Variants in PRPF8 observed in about 807,000 individuals in gnomAD.
The protein encoded by PRPF8 is pre-mRNA processing factor 8, also known as pre-mRNA-processing-splicing factor 8.
PRPF8 carries 64 observed loss-of-function variants against 285.9 expected under a neutral mutation model. The ratio of observed to expected loss-of-function variants is 0.22; its 90% confidence interval spans 0.18 to 0.28. PRPF8 has a LOEUF of 0.28. PRPF8 is among the 10% of genes least tolerant of loss of function. The probability of loss-of-function intolerance (pLI) is 1.00; values close to 1 mark genes in which losing one functional copy is unlikely to be tolerated. For missense variants in PRPF8, 1,426 were observed against 3,026.7 expected (o/e 0.47, Z 12.41); for synonymous variants, 1,325 against 1,118.2 (o/e 1.18, Z -3.69).
chr17:1,662,940 AT>A (rs1440445203), intron 24 of PRPF8, among the ~76,000 whole-genome samples: 3 of 152,196 alleles, frequency 2.0e-5, no homozygotes, highest in East Asian at 1.9e-4. Flanking sequence ...ATGCAAAAAA[AT>A]ATTTTTTCTC....
At chr17:1,678,034 G>A (rs891064446) in intron 13 of PRPF8, among the ~76,000 whole-genome samples, 1 of 152,138 alleles carries the variant, frequency 6.6e-6, no homozygotes, top group Non-Finnish European at 1.5e-5. Context: ...GTCCAGTGAG[G>A]CTGGGCACGG....
At chr17:1,652,231 C>A (rs1416928853) in intron 39 of PRPF8, 1 of 307,760 alleles carries the variant, frequency 3.2e-6, no homozygotes, top group African/African-American at 2.2e-5. Flanking sequence ...AATTTGCCAA[C>A]CTGACAGCCA....
Position 1,655,574 on chromosome 17 carries a change from T to C in PRPF8, c.5794-31A>G, listed in dbSNP as rs1423089111. 6 of 1,566,772 alleles carry C rather than the reference T, an allele frequency of 3.8e-6. No homozygotes were observed. The East Asian group carries it at 9.0e-5, about 23-fold the overall frequency. On this transcript the variant is annotated intron_variant, in intron 36 of 42. Transcript: ENST00000304992. ...AAAAGATTTGGAAGAGTGGGGTAGG[T>C]CAGCTGCTTGAGGCTCTCCCACTTT...
rs1912740669 is a variant in PRPF8 at position 1,678,619 on chromosome 17, C to T, written c.1753G>A (p.Val585Ile). 6.2e-7 allele frequency: 1 copy of T among 1,614,146 alleles called. No homozygotes were observed. Among genetic ancestry groups the T allele is most frequent in the Non-Finnish European group, 8.5e-7 (1 of 1,180,060 alleles). ...ADGLQYIFAH[V>I]GQLTGMYRYK... ...CGATACATGCCCGTCAACTGCCCAA[C>T]ATGGGCAAATATATACTGCAATCCA... Residue 585 changes from valine (V) to isoleucine (I), a missense_variant, in exon 13 of 43, where the codon GTT (valine) becomes ATT (isoleucine). Transcript: ENST00000304992.
At chr17:1,683,109 C>T in intron 3 of PRPF8, 5 of 281,382 alleles carry the variant, frequency 1.8e-5, no homozygotes, top group South Asian at 1.7e-4. Context: ...CATTCTCCTG[C>T]CTCAGCCTCC....
In PRPF8 at chr17:1,655,286, T is replaced by C. The variant is rs527455299; in HGVS notation, c.5987+64A>G. The C allele has an allele frequency of 8.8e-6, 14 of 1,589,262 alleles. No individual in the cohort carries two copies. In the South Asian group the frequency reaches 8.9e-5, roughly 10 times the overall value. On this transcript the variant is annotated intron_variant, in intron 37 of 42. Transcript: ENST00000304992. ...TTGAGAAACTTCTAAGCCTAAGTGC[T>C]TCCAAAAAACCCCAGAAAACCGTAT... is the stretch of plus-strand genomic sequence containing the variant.
chr17:1,676,830 G>T lies in PRPF8; in HGVS notation c.2182-119C>A. 4.1e-6 allele frequency: 6 copies of T among 1,465,588 alleles called. No homozygotes were observed. Among genetic ancestry groups the T allele is most frequent in the Non-Finnish European group, 4.7e-6 (5 of 1,055,932 alleles). 90.8% of individuals were successfully genotyped at this position (1,465,588 alleles called of 1,614,324 possible). ...GCTTGAGCTCAGGAGCTTGAGGCCA[G>T]CCTAAGCAACATGGTGCTTCTTTTC... On this transcript the variant is annotated intron_variant, in intron 15 of 42. Coordinates refer to ENST00000304992, the MANE Select transcript of PRPF8 (RefSeq NM_006445.4). The surrounding 1 kb of genome is among the most constrained non-coding windows in gnomAD (Gnocchi z 6.3).
rs1354831012 is a variant in PRPF8 at position 1,679,020 on chromosome 17, G to A, written c.1596C>T (p.Thr532=). The A allele has an allele frequency of 3.7e-6, 6 of 1,613,966 alleles. No homozygotes were observed. In the African/African-American group the frequency reaches 6.7e-5, roughly 18 times the overall value. The change falls in exon 11 of 43, where the codon ACC becomes ACT. Residue 532 remains threonine, a synonymous_variant. Transcript: ENST00000304992. The surrounding 1 kb of genome is among the most constrained non-coding windows in gnomAD (Gnocchi z 4.7). ...FNLKPVKTLT[T]KERKKSRFGN... The stretch of plus-strand genomic sequence containing the variant: ...CCCTAGGGTCCAATGCAGGCACCTT[G>A]GTGGTGAGCGTTTTCACAGGCTTGA...
Position 1,676,488 on chromosome 17 carries a change from A to C in PRPF8, c.2388+17T>G, listed in dbSNP as rs748394484. ...CTCCCCCACCACTCACACCCAGCCC[A>C]GCCTACTCTGCCCAACCTTCAGGTA... On this transcript the variant is annotated intron_variant, in intron 16 of 42. Transcript: ENST00000304992. The surrounding 1 kb of genome is among the most constrained non-coding windows in gnomAD (Gnocchi z 6.3). 5.5e-5 allele frequency: 88 copies of C among 1,613,948 alleles called. No homozygotes were observed. Among genetic ancestry groups the C allele is most frequent in the Non-Finnish European group, 2.0e-5 (24 of 1,180,006 alleles).
chr17:1,654,043 C>T, intron 37 of PRPF8, 27 bp from the exon 38 acceptor site: 1 of 1,614,058 alleles, frequency 6.2e-7, no homozygotes, highest in East Asian at 2.2e-5. Context: ...GGTTATATTA[C>T]AAGGATCCCT....
At chr17:1,680,610 G>T in intron 8 of PRPF8, 116 bp downstream of exon 8, 1 of 933,078 alleles carries the variant, frequency 1.1e-6, no homozygotes, top group Non-Finnish European at 1.7e-6. Context: ...AGCTCAAGGG[G>T]AACACTTAGC....
At chr17:1,667,962 G>A (rs949269731) in intron 24 of PRPF8, among the ~76,000 whole-genome samples, 1 of 152,200 alleles carries the variant, frequency 6.6e-6, no homozygotes, top group African/African-American at 2.4e-5. Context: ...GCAGGCATAA[G>A]CCACCATGCC....
Position 1,679,932 on chromosome 17 carries a change from C to T in PRPF8, c.1099-133G>A. 9.4e-7 allele frequency: 1 copy of T among 1,063,688 alleles called. No individual in the cohort carries two copies. The highest frequency in any genetic ancestry group is 2.4e-5 in the East Asian group (1 of 41,676). The allele number at this position is 1,063,688 out of a possible 1,614,324, so 65.9% of individuals were successfully genotyped here. Reference sequence around the variant, plus strand: ...ACTGGGCTGTCTGACAAAAGCAGCCCTGAAGTGCCAGCACAAAGGAAACCA... The same window carrying T: ...ACTGGGCTGTCTGACAAAAGCAGCCTTGAAGTGCCAGCACAAAGGAAACCA... On this transcript the variant is annotated intron_variant, in intron 8 of 42. Transcript: ENST00000304992. The surrounding 1 kb of genome is among the most constrained non-coding windows in gnomAD (Gnocchi z 4.7).
rs1249814469 is a variant in PRPF8 at position 1,653,701 on chromosome 17, G to A, written c.6228-18C>T. The A allele has an allele frequency of 6.2e-7, 1 of 1,614,184 alleles. No homozygotes were observed. The highest frequency in any genetic ancestry group is 2.2e-5 in the East Asian group (1 of 44,880). Reference sequence around the variant, plus strand: ...AGATGGCCCTAAAAACAGGCAGGGAGTGTCAGCATCGCTCAGCCCAGCACC... The same window carrying A: ...AGATGGCCCTAAAAACAGGCAGGGAATGTCAGCATCGCTCAGCCCAGCACC... On this transcript the variant is annotated intron_variant, in intron 38 of 42. Coordinates refer to ENST00000304992, the MANE Select transcript of PRPF8 (RefSeq NM_006445.4). This position sits in a 1 kb window ranked among gnomAD's most constrained non-coding sequence, Gnocchi z 4.9.
intron 21 of PRPF8, among the ~76,000 whole-genome samples, 197 bp from the exon 22 acceptor site, chr17:1,674,089 C>CT (rs1912479620): frequency 6.6e-6 from 1 of 151,974 alleles, no homozygotes; most frequent in Admixed American, 6.6e-5. Flanking sequence ...GCGGCGCAAT[C>CT]CCGGCTCACT....
In PRPF8 at chr17:1,682,114, T is replaced by G; in HGVS notation, c.434+15A>C. ...CCACCACCACCACCACCCACCATAT[T>G]TCAGCCTTTCTCACCCCCACTGGGA... On this transcript the variant is annotated intron_variant, in intron 4 of 42. Coordinates refer to ENST00000304992, the MANE Select transcript of PRPF8 (RefSeq NM_006445.4). The G allele has an allele frequency of 6.2e-7, 1 of 1,613,852 alleles. No individual in the cohort carries two copies. The highest frequency in any genetic ancestry group is 8.5e-7 in the Non-Finnish European group (1 of 1,179,936).
Position 1,681,497 on chromosome 17 carries a change from C to G in PRPF8, c.847G>C (p.Val283Leu). 6.2e-7 allele frequency: 1 copy of G among 1,601,850 alleles called. No homozygotes were observed. Reference sequence around the variant, plus strand: ...ACTCACTGTAGGTTGATGTCTCGAACAAGAGGTTCAAATTTGGGGCCTCCA... The same window carrying G: ...ACTCACTGTAGGTTGATGTCTCGAAGAAGAGGTTCAAATTTGGGGCCTCCA... ...IPGGPKFEPL[V>L]RDINLQDEDW... is the part of the protein sequence containing the mutation. Residue 283 changes from valine (V) to leucine (L), a missense_variant, in exon 6 of 43, where the codon GTT becomes CTT. This residue lies in a region of PRPF8 where 157 missense variants were observed against 159.6 expected (regional missense o/e 0.98). Transcript: ENST00000304992.
chr17:1,664,150 C>A (rs1244053648), intron 24 of PRPF8, among the ~76,000 whole-genome samples: 1 of 152,176 alleles, frequency 6.6e-6, no homozygotes, highest in African/African-American at 2.4e-5. Flanking sequence ...CCCGCCTCAG[C>A]CTCCCAAGCA....
Position 1,683,664 on chromosome 17 carries a change from T to C in PRPF8, c.138A>G (p.Ala46=). 3 of 1,614,198 alleles carry C rather than the reference T, an allele frequency of 1.9e-6. No homozygotes were observed. Among genetic ancestry groups the C allele is most frequent in the Non-Finnish European group, 1.7e-6 (2 of 1,180,032 alleles). The change falls in exon 3 of 43, where the codon GCA becomes GCG. Residue 46 remains alanine, a synonymous_variant. Coordinates refer to ENST00000304992, the MANE Select transcript of PRPF8 (RefSeq NM_006445.4). Reference sequence around the variant, plus strand: ...CCACAAACCCAAACTTCCGCTTTTCTGCATAGCGCTTGGCCTGCAATTGCT... The same window carrying C: ...CCACAAACCCAAACTTCCGCTTTTCCGCATAGCGCTTGGCCTGCAATTGCT... ...KWQQLQAKRY[A]EKRKFGFVDA...
Sources: allele counts gnomAD v4.1 joint callset (sites outside exome capture counted in the v4.1 genomes callset), GRCh38; gene constraint gnomAD v4.1.1; regional missense constraint gnomAD v4.1.1; non-coding constraint Gnocchi (gnomAD v3.1); transcripts MANE v1.5; gene names NCBI Gene and HGNC (gene_info 2026-07-23, HGNC 2026-07-21).